DDX52: variants seen among roughly 807,000 people sequenced by gnomAD.
The protein encoded by DDX52 is probable ATP-dependent RNA helicase DDX52.
DDX52 carries 59 observed loss-of-function variants against 76.1 expected under a neutral mutation model. The observed-to-expected ratio is 0.78, with a 90% confidence interval of 0.63 to 0.96. The LOEUF (loss-of-function observed/expected upper bound fraction) is 0.96. Among genes scored for constraint, DDX52 ranks in the 40% least tolerant of loss-of-function variants. The pLI is 0.00. For missense variants in DDX52, 707 were observed against 703.9 expected (o/e 1.00, Z -0.05); for synonymous variants, 231 against 244.1 (o/e 0.95, Z 0.50).
At chr17:37,641,366 C>A (rs1299823058) in intron 2 of DDX52, among the ~76,000 whole-genome samples, 1 of 150,378 alleles carries the variant, frequency 6.6e-6, no homozygotes, top group Admixed American at 6.6e-5. Context: ...TGCACCACTG[C>A]ACCACAGACT....
intron 7 of DDX52, 129 bp from the exon 8 acceptor site, chr17:37,626,227 CCA>C: frequency 2.3e-6 from 2 of 884,592 alleles, no homozygotes; most frequent in South Asian, 1.9e-5. Flanking sequence ...CTTTATCATA[CCA>C]AAAAAAAAAA....
chr17:37,615,969 G>A (rs113528808), intron 14 of DDX52, among the ~76,000 whole-genome samples: 20 of 152,084 alleles, frequency 1.3e-4, no homozygotes, highest in Non-Finnish European at 2.5e-4. Context: ...AGCCGAGATC[G>A]TGCCACTGCA....
chr17:37,630,202 C>A (rs2030609412), intron 4 of DDX52, 29 bp from the exon 5 acceptor site: 2 of 1,540,758 alleles, frequency 1.3e-6, no homozygotes, highest in South Asian at 1.3e-5. Context: ...TTAAATACTA[C>A]AAAGAAAGTA....
intron 1 of DDX52, 64 bp downstream of exon 1, chr17:37,643,270 G>C (rs1598774576): frequency 2.0e-6 from 3 of 1,532,444 alleles, no homozygotes; most frequent in Non-Finnish European, 2.7e-6. Flanking sequence ...CCCCAGCAGC[G>C]GGTTCATTCC....
intron 8 of DDX52, among the ~76,000 whole-genome samples, chr17:37,625,213 G>A (rs888094944): frequency 5.9e-5 from 9 of 152,020 alleles, no homozygotes; most frequent in African/African-American, 1.9e-4. Flanking sequence ...GGCTGGTCTC[G>A]AACTCCTGAC....
intron 4 of DDX52, among the ~76,000 whole-genome samples, chr17:37,630,602 A>G (rs1365120007): frequency 1.3e-5 from 2 of 151,838 alleles, no homozygotes; most frequent in African/African-American, 4.8e-5. Context: ...CTGAGGGCAG[A>G]GTAATTTACA....
rs1482855941 is a variant in DDX52, at chr17:37,625,973, C to T, written c.1058G>A (p.Ser353Asn). 5.6e-6 allele frequency: 9 copies of T among 1,614,046 alleles called. No individual in the cohort carries two copies. Among genetic ancestry groups the T allele is most frequent in the Non-Finnish European group, 7.6e-6 (9 of 1,180,036 alleles). Reference protein sequence around the residue: ...TSHKVRRAMFSATFAYDVEQW... With the variant: ...TSHKVRRAMFNATFAYDVEQW... The stretch of plus-strand genomic sequence containing the variant: ...TTCAACATCATATGCAAAAGTTGCA[C>T]TGAACATAGCTCTTCGGACCTTGTG... The change falls in exon 8 of 15, where the codon AGT becomes AAT. Residue 353 changes from serine (S) to asparagine (N), a missense_variant. Physicochemically the swap from Ser to Asn is conservative, Grantham distance 46. Transcript: ENST00000617633.
chr17:37,638,873 G>T (rs779262933), intron 2 of DDX52, among the ~76,000 whole-genome samples: 2 of 150,640 alleles, frequency 1.3e-5, no homozygotes, highest in Admixed American at 6.6e-5. Context: ...GGGTTCAAGC[G>T]ATTTTCCTGC....
intron 2 of DDX52, among the ~76,000 whole-genome samples, chr17:37,633,680 T>C: frequency 6.8e-6 from 1 of 147,366 alleles, no homozygotes. Context: ...AGAAAAAAGG[T>C]TTTAATCTTG....
chr17:37,629,004 G>C (rs1368521280), intron 5 of DDX52, among the ~76,000 whole-genome samples: 1 of 151,400 alleles, frequency 6.6e-6, no homozygotes, highest in East Asian at 2.0e-4. Flanking sequence ...GATCACTTGA[G>C]GCCAGGAGTT....
At chr17:37,618,013 G>C (rs1225205957) in intron 14 of DDX52, among the ~76,000 whole-genome samples, 1 of 152,120 alleles carries the variant, frequency 6.6e-6, no homozygotes, top group Admixed American at 6.6e-5. Context: ...TATTTGGGAT[G>C]ATGAAGCAGT....
chr17:37,628,427 G>A (rs760771290), intron 6 of DDX52, 134 bp downstream of exon 6: 32 of 675,560 alleles, frequency 4.7e-5, no homozygotes, highest in African/African-American at 1.1e-4. Flanking sequence ...GAAGGGGATC[G>A]CTTTAGTTCT....
intron 14 of DDX52, among the ~76,000 whole-genome samples, chr17:37,615,781 C>T (rs979142647): frequency 1.3e-5 from 2 of 152,008 alleles, no homozygotes; most frequent in African/African-American, 4.8e-5. Context: ...TTTGGGAGGC[C>T]GAGGCGGGCG....
intron 13 of DDX52, among the ~76,000 whole-genome samples, chr17:37,619,012 T>C (rs2029938060): frequency 6.6e-6 from 1 of 152,238 alleles, no homozygotes; most frequent in Non-Finnish European, 1.5e-5. Context: ...TTTTACCAGC[T>C]TTATGAACTA....
intron 2 of DDX52, chr17:37,639,530 G>A (rs1053055564): frequency 2.8e-6 from 2 of 724,208 alleles, no homozygotes; most frequent in Admixed American, 6.2e-5. Flanking sequence ...GAGGTCAGGA[G>A]ATCGAGACCA....
chr17:37,627,570 A>C (rs911375161), intron 6 of DDX52, among the ~76,000 whole-genome samples: 1 of 151,994 alleles, frequency 6.6e-6, no homozygotes, highest in African/African-American at 2.4e-5. Flanking sequence ...AAGAGGAAAG[A>C]ACAATTTAAT....
At position 37,619,332 on chromosome 17, in the gene DDX52, C is replaced by T. The variant is rs113991158; in HGVS notation, c.1649+436G>A. ...AGGCAGAGGTTGCAATGAGCTGAGA[C>T]TTCATCTCAAGGAAAAAAATAAATA... On this transcript the variant is annotated intron_variant, in intron 13 of 14. Coordinates refer to ENST00000617633, the MANE Select transcript of DDX52 (RefSeq NM_007010.5). Among the ~76,000 whole-genome samples the T allele has an allele frequency of 6.3e-3, 953 of 152,040 alleles. 8 individuals are homozygous for T. The highest frequency in any genetic ancestry group is 0.037 in the Middle Eastern group (11 of 294).
At chr17:37,636,273 T>C (rs2030920626) in intron 2 of DDX52, among the ~76,000 whole-genome samples, 1 of 152,204 alleles carries the variant, frequency 6.6e-6, no homozygotes, top group African/African-American at 2.4e-5. Flanking sequence ...GCTTACAATA[T>C]AAAGTTAGGT....
intron 14 of DDX52, among the ~76,000 whole-genome samples, chr17:37,616,255 A>G (rs1568597039): frequency 6.6e-6 from 1 of 152,174 alleles, no homozygotes; most frequent in African/African-American, 2.4e-5. Flanking sequence ...GTCTATTAAG[A>G]CAGATTAGGT....
Sources: gnomAD v4.1 joint callset for allele counts (sites outside exome capture counted in the v4.1 genomes callset) on GRCh38, gnomAD v4.1.1 for gene constraint, MANE v1.5 for transcripts, NCBI Gene and HGNC (gene_info 2026-07-23, HGNC 2026-07-21) for gene names.